Variants in PLCB4 observed in about 807,000 individuals in gnomAD.
The protein encoded by PLCB4 is 1-phosphatidylinositol 4,5-bisphosphate phosphodiesterase beta-4.
Under a neutral mutation model 178.8 loss-of-function variants are expected in PLCB4, and 77 were observed. That is an observed-to-expected ratio of 0.43 (90% CI 0.36 to 0.52). The LOEUF (loss-of-function observed/expected upper bound fraction) is 0.52. PLCB4 is among the 20% of genes least tolerant of loss of function. The pLI, the probability that PLCB4 is intolerant of heterozygous loss-of-function variation, is 0.00. For synonymous variants in PLCB4, 496 were observed against 490.8 expected (o/e 1.01, Z -0.14); for missense variants, 1,024 against 1,453.4 (o/e 0.70, Z 4.80).
chr20:9,337,595 G>A (rs11087842), intron 5 of PLCB4, among the ~76,000 whole-genome samples: 6,686 of 152,158 alleles, frequency 0.044, 508 homozygotes, highest in African/African-American at 0.15. Context: ...GACTTAATTC[G>A]ATGTATGGTA....
chr20:9,249,789 T>C (rs2094161299), intron 3 of PLCB4, among the ~76,000 whole-genome samples: 1 of 152,200 alleles, frequency 6.6e-6, no homozygotes, highest in Non-Finnish European at 1.5e-5. Flanking sequence ...CGTGCTATTA[T>C]TCACGTGCAT....
intron 3 of PLCB4, among the ~76,000 whole-genome samples, chr20:9,299,640 T>A (rs2094681614): frequency 6.6e-6 from 1 of 152,066 alleles, no homozygotes; most frequent in Admixed American, 6.6e-5. Context: ...CAAATAACTA[T>A]TCCTTTAAAG....
At chr20:9,327,477 T>TAA (rs200638400) in intron 4 of PLCB4, among the ~76,000 whole-genome samples, 24 of 149,734 alleles carry the variant, frequency 1.6e-4, no homozygotes, top group African/African-American at 5.9e-4. Flanking sequence ...TTCTGTCTCT[T>TAA]AAAAAAAAAT....
At chr20:9,143,613 C>A (rs1017035577) in intron 2 of PLCB4, among the ~76,000 whole-genome samples, 2 of 152,134 alleles carry the variant, frequency 1.3e-5, no homozygotes, top group Non-Finnish European at 2.9e-5. Context: ...CCACTTTCGA[C>A]TTCAGAATTC....
Position 9,171,281 on chromosome 20 carries a change from G to A in PLCB4, c.-78-46109G>A, listed in dbSNP as rs6056439. On this transcript the variant is annotated intron_variant, in intron 2 of 39. Transcript: ENST00000378473. ...CCTTTAGAATGCTACAAAGAAATAT[G>A]TAGTGATTTTCAAAGGTACATCATT... Among the ~76,000 whole-genome samples the A allele has an allele frequency of 4.1e-3, 624 of 152,288 alleles. 3 individuals are homozygous for A. Among genetic ancestry groups the A allele is most frequent in the African/African-American group, 0.012 (502 of 41,562 alleles).
At chr20:9,305,365 C>A (rs1207769287) in intron 3 of PLCB4, among the ~76,000 whole-genome samples, 9 of 151,914 alleles carry the variant, frequency 5.9e-5, no homozygotes, top group African/African-American at 1.9e-4. Context: ...CATATTTAAA[C>A]TTCTATTTTC....
chr20:9,342,371 G>T (rs1190283331), intron 7 of PLCB4, among the ~76,000 whole-genome samples: 1 of 152,088 alleles, frequency 6.6e-6, no homozygotes, highest in Non-Finnish European at 1.5e-5. Flanking sequence ...TCACTGAGTG[G>T]TTCTACTCAA....
chr20:9,226,803 T>C (rs2093871656), intron 3 of PLCB4, among the ~76,000 whole-genome samples: 1 of 152,158 alleles, frequency 6.6e-6, no homozygotes, highest in Admixed American at 6.5e-5. Flanking sequence ...GTTGAGGAGC[T>C]CACTGTATCA....
intron 2 of PLCB4, among the ~76,000 whole-genome samples, chr20:9,197,973 C>T (rs962326598): frequency 6.6e-6 from 1 of 151,342 alleles, no homozygotes; most frequent in Non-Finnish European, 1.5e-5. Context: ...AAAACTCCAT[C>T]TCAAAAATAA....
At chr20:9,187,304 C>T (rs1360879531) in intron 2 of PLCB4, among the ~76,000 whole-genome samples, 1 of 152,118 alleles carries the variant, frequency 6.6e-6, no homozygotes, top group Non-Finnish European at 1.5e-5. Context: ...AGCCATGCCT[C>T]CACCCACTGC....
intron 35 of PLCB4, among the ~76,000 whole-genome samples, chr20:9,460,698 C>T (rs1485806695): frequency 6.6e-6 from 1 of 152,080 alleles, no homozygotes; most frequent in Non-Finnish European, 1.5e-5. Flanking sequence ...TGAGACACAA[C>T]AAGAGTAGAA....
intron 1 of PLCB4, among the ~76,000 whole-genome samples, chr20:9,088,661 T>C (rs6056396): frequency 0.5 from 75,198 of 151,902 alleles, 19,022 homozygotes; most frequent in Middle Eastern, 0.56. Flanking sequence ...TGCTAATCTG[T>C]AAAATTCTTT....
chr20:9,450,806 G>A (rs886345574), intron 32 of PLCB4, among the ~76,000 whole-genome samples: 10 of 151,562 alleles, frequency 6.6e-5, no homozygotes, highest in Admixed American at 4.6e-4. Context: ...GCACCACCAT[G>A]CCCGGCTAAT....
chr20:9,254,652 C>T (rs185054455), intron 3 of PLCB4, among the ~76,000 whole-genome samples: 163 of 152,210 alleles, frequency 1.1e-3, no homozygotes, highest in African/African-American at 3.6e-3. Context: ...GAGCTGAGAT[C>T]GTGCCACTGT....
chr20:9,402,926 CA>C (rs2039145569), intron 20 of PLCB4, among the ~76,000 whole-genome samples: 1 of 152,142 alleles, frequency 6.6e-6, no homozygotes, highest in African/African-American at 2.4e-5. Context: ...ATAGCATTGC[CA>C]TCTGACTCTT....
intron 3 of PLCB4, among the ~76,000 whole-genome samples, chr20:9,293,992 G>A (rs1445225013): frequency 6.6e-6 from 1 of 152,164 alleles, no homozygotes; most frequent in Admixed American, 6.5e-5. Flanking sequence ...TAAAAGGAAA[G>A]GTGGTGAGGG....
chr20:9,245,737 G>GTTTT (rs34271595), intron 3 of PLCB4, among the ~76,000 whole-genome samples: 8 of 147,334 alleles, frequency 5.4e-5, no homozygotes, highest in African/African-American at 1.7e-4. Context: ...TATCTGGTGG[G>GTTTT]TTTTTTTTTT....
chr20:9,384,747 T>C (rs2037433777), intron 14 of PLCB4, among the ~76,000 whole-genome samples: 1 of 151,134 alleles, frequency 6.6e-6, no homozygotes, highest in Admixed American at 6.6e-5. Flanking sequence ...CACCATGCTC[T>C]AACCAATTGA....
chr20:9,334,092 A>C (rs1318331126), intron 4 of PLCB4, among the ~76,000 whole-genome samples: 1 of 152,182 alleles, frequency 6.6e-6, no homozygotes, highest in Non-Finnish European at 1.5e-5. Flanking sequence ...CTAGGAACAC[A>C]GTGGAAATGA....
Sources: gnomAD v4.1 joint callset for allele counts (sites outside exome capture counted in the v4.1 genomes callset) on GRCh38, gnomAD v4.1.1 for gene constraint, MANE v1.5 for transcripts, NCBI Gene and HGNC (gene_info 2026-07-23, HGNC 2026-07-21) for gene names.